Variants in PLP1 observed in about 807,000 individuals in gnomAD.
The protein encoded by PLP1 is myelin proteolipid protein.
A neutral mutation model predicts 18.5 loss-of-function variants in PLP1; 2 were observed. The observed-to-expected ratio is 0.11, with a 90% CI of 0.04 to 0.34. The LOEUF (loss-of-function observed/expected upper bound fraction) is 0.34. Ranked by LOEUF, PLP1 falls within the 10% of genes least tolerant of loss-of-function variation. The probability of loss-of-function intolerance (pLI) is 1.00; values close to 1 mark genes in which losing one functional copy is unlikely to be tolerated. For missense variants in PLP1, 105 were observed against 207.3 expected, an observed-to-expected ratio of 0.51 and a Z score of 3.03; for synonymous variants, 86 against 83.2, an observed-to-expected ratio of 1.03 and a Z score of -0.19.
chrX:103,777,371 G>A (rs751719782), intron 1 of PLP1, among the ~76,000 whole-genome samples: 34 of 111,625 alleles, frequency 3.0e-4, no homozygotes, highest in South Asian at 1.9e-3. Context: ...GGAGGCCACT[G>A]AGCACTGTCT....
At chrX:103,785,147 C>G (rs756669508) in intron 1 of PLP1, among the ~76,000 whole-genome samples, 1 of 110,762 alleles carries the variant, frequency 9.0e-6, no homozygotes, top group Non-Finnish European at 1.9e-5. Flanking sequence ...GCAATCTTGG[C>G]TCACGGCAAC....
chrX:103,779,955 A>G (rs747507595), intron 1 of PLP1: 2 of 112,811 alleles, frequency 1.8e-5, no homozygotes, highest in Non-Finnish European at 3.7e-5. Flanking sequence ...CCAAGTGAGG[A>G]CAGTGACATG....
At chrX:103,787,706 T>A in intron 3 of PLP1, 92 bp from the exon 4 acceptor site, 1 of 772,411 alleles carries the variant, frequency 1.3e-6, no homozygotes, top group Admixed American at 2.2e-5. Context: ...GGTTTTAATG[T>A]CTGGCACACG....
chrX:103,790,458 C>G, intron 6 of PLP1, 69 bp from the exon 7 acceptor site: 3 of 781,720 alleles, frequency 3.8e-6, no homozygotes, highest in Non-Finnish European at 6.0e-6. Flanking sequence ...TCCTCATTCC[C>G]AAAGGGATTT....
At chrX:103,781,290 T>C (rs1452575122) in intron 1 of PLP1, 1 of 327,693 alleles carries the variant, frequency 3.1e-6, no homozygotes, top group Non-Finnish European at 6.0e-6. Flanking sequence ...CACAGTCCCT[T>C]GATGAACCTG....
intron 3 of PLP1, chrX:103,787,524 C>T: frequency 2.4e-6 from 1 of 418,020 alleles, no homozygotes; most frequent in Non-Finnish European, 4.2e-6. Context: ...ACCTTATCTG[C>T]CCAAAAACAT....
intron 6 of PLP1, among the ~76,000 whole-genome samples, chrX:103,790,123 T>C (rs2074532422): frequency 8.9e-6 from 1 of 112,386 alleles, no homozygotes; most frequent in Non-Finnish European, 1.9e-5. Flanking sequence ...ACGAATTGAT[T>C]CATTAACCAG....
intron 6 of PLP1, 63 bp from the exon 7 acceptor site, chrX:103,790,464 G>A (rs1259749242): frequency 1.3e-6 from 1 of 797,082 alleles, no homozygotes; most frequent in East Asian, 3.1e-5. Flanking sequence ...TTCCCAAAGG[G>A]ATTTGAGGAG....
intron 3 of PLP1, 195 bp from the exon 4 acceptor site, chrX:103,787,603 A>G (rs1048329030): frequency 3.9e-5 from 18 of 465,964 alleles, no homozygotes; most frequent in Non-Finnish European, 6.5e-5. Flanking sequence ...ACCCTCCGTT[A>G]TACTGGGGCC....
At chrX:103,776,788 G>A, upstream of PLP1, 1 of 434,594 alleles carries the variant, frequency 2.3e-6, no homozygotes, top group Non-Finnish European at 4.1e-6. Context: ...GAGGAGAGGA[G>A]GAGGAAAGCA....
chrX:103,781,274 G>A (rs1384482880), intron 1 of PLP1: 1 of 325,554 alleles, frequency 3.1e-6, no homozygotes. Flanking sequence ...ACAGCATCAG[G>A]ATCAACACAG....
chrX:103,777,486 A>G (rs757237395), intron 1 of PLP1, among the ~76,000 whole-genome samples: 12 of 112,233 alleles, frequency 1.1e-4, no homozygotes, highest in Non-Finnish European at 1.7e-4. Context: ...AGGCTTGGCT[A>G]TGGCTGAGGA....
chrX:103,788,030 T>C (rs937332537), intron 4 of PLP1, 64 bp downstream of exon 4: 37 of 933,034 alleles, frequency 4.0e-5, no homozygotes, highest in Middle Eastern at 2.9e-4. Context: ...TATTTGGTTA[T>C]TTTCTTAGTG....
intron 1 of PLP1, among the ~76,000 whole-genome samples, chrX:103,779,303 C>T (rs1186054976): frequency 4.5e-5 from 5 of 112,340 alleles, no homozygotes; most frequent in Non-Finnish European, 7.5e-5. Context: ...ACTGTGATGC[C>T]TCCATCCAAA....
intron 1 of PLP1, among the ~76,000 whole-genome samples, chrX:103,782,800 C>T (rs779161409): frequency 0.34 from 21 of 61 alleles, no homozygotes; most frequent in South Asian, 0.7. Flanking sequence ...CCCCTCCCCA[C>T]CCCCCGGCTG....
intron 2 of PLP1, chrX:103,785,989 C>A (rs2074492741): frequency 4.7e-6 from 3 of 640,491 alleles, no homozygotes; most frequent in East Asian, 3.7e-5. Flanking sequence ...CCACCCCCGC[C>A]CCCTTGTTTT....
At position 103,791,996 on chromosome X, in the gene PLP1, C is replaced by G. The variant is rs1023757691; in HGVS notation, c.*1398C>G. ...TTTTCTCCTGATATAGATCACATAA[C>G]AGAATGCACCAGTCATCAGCTATTC... On this transcript the variant is annotated 3_prime_UTR_variant, in exon 7 of 7. Transcript: ENST00000621218. 1 of 111,438 alleles carries G rather than the reference C, an allele frequency of 9.0e-6. No individual in the cohort carries two copies. The highest frequency in any genetic ancestry group is 3.3e-5 in the African/African-American group (1 of 30,610). The allele number at this position is 111,438 out of a possible 1,213,427, so 9.2% of individuals were successfully genotyped here.
At chrX:103,782,727 G>A (rs756188731) in intron 1 of PLP1, among the ~76,000 whole-genome samples, 8 of 111,891 alleles carry the variant, frequency 7.1e-5, no homozygotes, top group Non-Finnish European at 1.3e-4. Context: ...CACTTGCTAG[G>A]GTGGATGGCT....
At chrX:103,781,975 T>C (rs2074457326) in intron 1 of PLP1, among the ~76,000 whole-genome samples, 1 of 83 alleles carries the variant, frequency 0.012, no homozygotes, top group Non-Finnish European at 0.029. Context: ...TGTTCACACA[T>C]ACCCAAGGGA....
Sources: gnomAD v4.1 joint callset for allele counts (sites outside exome capture counted in the v4.1 genomes callset) on GRCh38, gnomAD v4.1.1 for gene constraint, MANE v1.5 for transcripts, NCBI Gene and HGNC (gene_info 2026-07-23, HGNC 2026-07-21) for gene names.